Variants in GRID2 observed in about 807,000 individuals in gnomAD.
GRID2 encodes glutamate receptor ionotropic, delta-2.
In GRID2, 33 loss-of-function variants were observed where a neutral mutation model predicts 114.8. The observed-to-expected ratio is 0.29, with a 90% CI of 0.22 to 0.38. GRID2 has a LOEUF of 0.38. Ranked by LOEUF, GRID2 falls within the 10% of genes least tolerant of loss-of-function variation. GRID2 has a pLI of 1.00. For synonymous variants in GRID2, 505 were observed against 449.9 expected (o/e 1.12, Z -1.55); for missense variants, 1,184 against 1,257.7 (o/e 0.94, Z 0.89).
chr4:92,970,958 G>A (rs1177186553), intron 2 of GRID2, among the ~76,000 whole-genome samples: 1 of 151,340 alleles, frequency 6.6e-6, no homozygotes, highest in African/African-American at 2.4e-5. Flanking sequence ...GCATATATAT[G>A]TATATATACA....
At chr4:92,791,602 G>C (rs1021133199) in intron 2 of GRID2, among the ~76,000 whole-genome samples, 1 of 151,722 alleles carries the variant, frequency 6.6e-6, no homozygotes, top group Non-Finnish European at 1.5e-5. Flanking sequence ...TTTCAAAAAA[G>C]CATGACAGTA....
At chr4:93,802,629 GTATC>G (rs1259463768) in intron 1 of GRID2, among the ~76,000 whole-genome samples, 2 of 152,138 alleles carry the variant, frequency 1.3e-5, no homozygotes, top group East Asian at 3.9e-4. Flanking sequence ...CTTTACTGCC[GTATC>G]TATATTGCAC....
intron 14 of GRID2, among the ~76,000 whole-genome samples, chr4:93,763,548 T>C (rs1733388490): frequency 6.6e-6 from 1 of 152,228 alleles, no homozygotes; most frequent in Non-Finnish European, 1.5e-5. Context: ...CTAAAGAAGA[T>C]AGCTTTTCTC....
chr4:93,281,232 T>G (rs934759258), intron 8 of GRID2, among the ~76,000 whole-genome samples: 1 of 149,584 alleles, frequency 6.7e-6, no homozygotes, highest in Non-Finnish European at 1.5e-5. Flanking sequence ...TGGAAGGAAG[T>G]GAGGGAAATA....
At chr4:93,255,600 T>C (rs1749485782) in intron 8 of GRID2, among the ~76,000 whole-genome samples, 1 of 152,094 alleles carries the variant, frequency 6.6e-6, no homozygotes, top group South Asian at 2.1e-4. Context: ...GAGTTCTCAC[T>C]CTCGGAAGGC....
intron 1 of GRID2, among the ~76,000 whole-genome samples, chr4:92,459,507 T>C (rs1383133790): frequency 1.3e-5 from 2 of 152,168 alleles, no homozygotes; most frequent in Non-Finnish European, 2.9e-5. Flanking sequence ...AAACGTCTTA[T>C]TATGTTGCTT....
At chr4:93,213,570 G>A (rs995676969) in intron 5 of GRID2, among the ~76,000 whole-genome samples, 3 of 152,066 alleles carry the variant, frequency 2.0e-5, no homozygotes, top group African/African-American at 7.2e-5. Context: ...GATGCTAAGA[G>A]GTATAAGAAT....
At chr4:93,235,609 C>G (rs1336500414) in intron 7 of GRID2, among the ~76,000 whole-genome samples, 1 of 152,090 alleles carries the variant, frequency 6.6e-6, no homozygotes, top group Non-Finnish European at 1.5e-5. Context: ...GAAATACTGA[C>G]CTCTGAATCA....
chr4:92,916,591 A>G (rs986679635), intron 2 of GRID2, among the ~76,000 whole-genome samples: 5 of 151,492 alleles, frequency 3.3e-5, no homozygotes, highest in African/African-American at 9.7e-5. Flanking sequence ...ATTCCCACCT[A>G]TGAGTGAGAA....
chr4:93,645,334 T>G (rs545379516), intron 14 of GRID2, among the ~76,000 whole-genome samples: 1 of 152,188 alleles, frequency 6.6e-6, no homozygotes, highest in South Asian at 2.1e-4. Flanking sequence ...ATGTTGAACT[T>G]GGGGCACCAG....
intron 7 of GRID2, among the ~76,000 whole-genome samples, chr4:93,232,950 GC>G (rs1190812949): frequency 6.6e-6 from 1 of 152,080 alleles, no homozygotes; most frequent in Non-Finnish European, 1.5e-5. Context: ...ATAATTACAA[GC>G]ATGATTTGTT....
chr4:93,695,364 A>G (rs1307992100), intron 14 of GRID2, among the ~76,000 whole-genome samples: 1 of 152,174 alleles, frequency 6.6e-6, no homozygotes, highest in African/African-American at 2.4e-5. Context: ...ATTAAATCAA[A>G]TTGTAAGAAG....
chr4:93,709,341 T>C (rs2110162074), intron 14 of GRID2, among the ~76,000 whole-genome samples: 1 of 152,318 alleles, frequency 6.6e-6, no homozygotes, highest in Middle Eastern at 3.4e-3. Context: ...GTCTGAAGGA[T>C]ATTTTTATGG....
intron 1 of GRID2, among the ~76,000 whole-genome samples, chr4:92,472,789 A>G (rs1722107194): frequency 6.6e-6 from 1 of 152,046 alleles, no homozygotes; most frequent in East Asian, 1.9e-4. Context: ...CTTATTATCA[A>G]GCTTTGAACA....
intron 2 of GRID2, among the ~76,000 whole-genome samples, chr4:92,944,473 A>C (rs1166774419): frequency 6.6e-6 from 1 of 152,060 alleles, no homozygotes; most frequent in Non-Finnish European, 1.5e-5. Flanking sequence ...GCCGTCTGTC[A>C]CCCCTTTCTT....
intron 14 of GRID2, among the ~76,000 whole-genome samples, chr4:93,649,184 C>G (rs1479429930): frequency 6.6e-6 from 1 of 152,144 alleles, no homozygotes; most frequent in Non-Finnish European, 1.5e-5. Flanking sequence ...TAAAATCGTT[C>G]TGTGCCTGTT....
chr4:93,148,783 G>A (rs1386406483), intron 4 of GRID2, among the ~76,000 whole-genome samples: 1 of 152,074 alleles, frequency 6.6e-6, no homozygotes, highest in Non-Finnish European at 1.5e-5. Flanking sequence ...GTTTTTAATG[G>A]CTATTTGTCT....
chr4:92,841,002 C>T (rs916869533), intron 2 of GRID2, among the ~76,000 whole-genome samples: 1 of 151,974 alleles, frequency 6.6e-6, no homozygotes, highest in Non-Finnish European at 1.5e-5. Flanking sequence ...AACTGCTTTC[C>T]CAACTTATCT....
chr4:93,196,631 T>C (rs1741521892), intron 4 of GRID2, among the ~76,000 whole-genome samples: 1 of 152,120 alleles, frequency 6.6e-6, no homozygotes, highest in Non-Finnish European at 1.5e-5. Context: ...TATAACAGTA[T>C]ACTACCAAGC....
Sources: gnomAD v4.1 joint callset for allele counts (sites outside exome capture counted in the v4.1 genomes callset) on GRCh38, gnomAD v4.1.1 for gene constraint, MANE v1.5 for transcripts, NCBI Gene and HGNC (gene_info 2026-07-23, HGNC 2026-07-21) for gene names.